Variants in WWOX observed in about 807,000 individuals in gnomAD.
WWOX encodes the protein WW domain-containing oxidoreductase.
A neutral mutation model predicts 46.2 loss-of-function variants in WWOX; 69 were observed. That is an observed-to-expected ratio of 1.49 (90% CI 1.23 to 1.82). The LOEUF (loss-of-function observed/expected upper bound fraction) is 1.82. Ranked by LOEUF, WWOX falls within the 40% of genes most tolerant of loss-of-function variation. The pLI, the probability that WWOX is intolerant of heterozygous loss-of-function variation, is 0.00. For missense variants in WWOX, 919 were observed against 542.6 expected (o/e 1.69, Z -6.89); for synonymous variants, 359 against 202.6 (o/e 1.77, Z -6.56).
intron 8 of WWOX, among the ~76,000 whole-genome samples, chr16:79,191,088 G>T (rs115951119): frequency 6.6e-6 from 1 of 152,048 alleles, no homozygotes; most frequent in Non-Finnish European, 1.5e-5. Flanking sequence ...CTCTGTTGCA[G>T]TGTCGCCCAG....
At chr16:78,792,246 G>C (rs1157217193) in intron 8 of WWOX, among the ~76,000 whole-genome samples, 1 of 152,120 alleles carries the variant, frequency 6.6e-6, no homozygotes, top group Non-Finnish European at 1.5e-5. Flanking sequence ...TCTTTCTCAC[G>C]AGTCTGGCAA....
intron 8 of WWOX, among the ~76,000 whole-genome samples, chr16:78,559,546 C>G (rs543610074): frequency 3.3e-5 from 5 of 152,274 alleles, no homozygotes; most frequent in South Asian, 2.1e-4. Context: ...AATATGGTTT[C>G]TTATTAAACG....
At chr16:78,673,838 C>T (rs947699334) in intron 8 of WWOX, among the ~76,000 whole-genome samples, 4 of 152,062 alleles carry the variant, frequency 2.6e-5, no homozygotes, top group Non-Finnish European at 4.4e-5. Context: ...CGTATCCTCC[C>T]GCAGAGGTTT....
intron 5 of WWOX, among the ~76,000 whole-genome samples, chr16:78,324,952 A>C (rs1471082950): frequency 1.3e-5 from 2 of 152,216 alleles, no homozygotes; most frequent in African/African-American, 4.8e-5. Flanking sequence ...GCTGTTAAAA[A>C]ATCTGAAAGT....
chr16:78,409,944 TAG>T (rs1249165133), intron 6 of WWOX, among the ~76,000 whole-genome samples: 1 of 152,178 alleles, frequency 6.6e-6, no homozygotes, highest in African/African-American at 2.4e-5. Flanking sequence ...CTCAAGGTGA[TAG>T]AGTTTGCATG....
intron 8 of WWOX, among the ~76,000 whole-genome samples, chr16:78,682,363 G>A (rs1299794768): frequency 6.6e-6 from 1 of 152,110 alleles, no homozygotes; most frequent in Non-Finnish European, 1.5e-5. Flanking sequence ...CAGTTTTTTT[G>A]TACCAGTGAG....
At chr16:78,662,529 G>C (rs961628119) in intron 8 of WWOX, among the ~76,000 whole-genome samples, 3 of 152,096 alleles carry the variant, frequency 2.0e-5, no homozygotes, top group Non-Finnish European at 4.4e-5. Context: ...AGGCCCTTTG[G>C]ACCAGTTGCA....
At chr16:78,660,157 G>C (rs1304185635) in intron 8 of WWOX, among the ~76,000 whole-genome samples, 2 of 151,866 alleles carry the variant, frequency 1.3e-5, no homozygotes, top group Non-Finnish European at 2.9e-5. Flanking sequence ...GTTTACTATT[G>C]TGGACTGTGC....
chr16:78,625,296 C>T (rs1461727364), intron 8 of WWOX, among the ~76,000 whole-genome samples: 2 of 152,182 alleles, frequency 1.3e-5, no homozygotes, highest in Non-Finnish European at 2.9e-5. Context: ...CTGAGCTCCT[C>T]ACTAAAGGGG....
At chr16:78,407,761 C>T (rs1344807635) in intron 6 of WWOX, among the ~76,000 whole-genome samples, 4 of 152,080 alleles carry the variant, frequency 2.6e-5, no homozygotes, top group African/African-American at 4.8e-5. Flanking sequence ...AGACCAAATG[C>T]CATAAGAAAA....
chr16:78,217,988 G>A (rs1467698275), intron 5 of WWOX, among the ~76,000 whole-genome samples: 1 of 152,118 alleles, frequency 6.6e-6, no homozygotes, highest in African/African-American at 2.4e-5. Context: ...AAAAGCAGAG[G>A]CCAACGTATC....
At chr16:79,019,308 C>G (rs1424298321) in intron 8 of WWOX, among the ~76,000 whole-genome samples, 2 of 151,570 alleles carry the variant, frequency 1.3e-5, no homozygotes, top group Non-Finnish European at 2.9e-5. Flanking sequence ...TGCACGTACA[C>G]AAACCTAGAT....
intron 8 of WWOX, among the ~76,000 whole-genome samples, chr16:78,610,813 A>G (rs1030787475): frequency 2.0e-5 from 3 of 152,140 alleles, no homozygotes; most frequent in Admixed American, 6.6e-5. Context: ...CTCTGGGGGC[A>G]TTATCATTAT....
intron 8 of WWOX, among the ~76,000 whole-genome samples, chr16:78,589,671 T>C: frequency 6.6e-6 from 1 of 152,182 alleles, no homozygotes; most frequent in East Asian, 1.9e-4. Context: ...GGTGATAAAA[T>C]ACCTGGATTG....
At chr16:78,694,247 G>A (rs1237202361) in intron 8 of WWOX, among the ~76,000 whole-genome samples, 2 of 152,064 alleles carry the variant, frequency 1.3e-5, no homozygotes, top group Non-Finnish European at 2.9e-5. Flanking sequence ...ATTTAGAAAT[G>A]GTACAGTCAG....
intron 5 of WWOX, among the ~76,000 whole-genome samples, chr16:78,359,502 C>G (rs527394186): frequency 2.6e-5 from 4 of 152,024 alleles, no homozygotes; most frequent in Non-Finnish European, 5.9e-5. Context: ...CGTTGAAACA[C>G]CTTTTCTTTT....
At chr16:78,213,212 C>G (rs146206719) in intron 5 of WWOX, among the ~76,000 whole-genome samples, 1 of 142,812 alleles carries the variant, frequency 7.0e-6, no homozygotes, top group Non-Finnish European at 1.5e-5. Context: ...GATCATGCCA[C>G]TGTACTCTAG....
intron 8 of WWOX, among the ~76,000 whole-genome samples, chr16:78,638,677 A>G (rs1009236683): frequency 2.6e-5 from 4 of 152,256 alleles, no homozygotes; most frequent in Non-Finnish European, 5.9e-5. Flanking sequence ...CGGTCAGAGG[A>G]GAGATAGAGC....
In WWOX at chr16:78,101,346, C is replaced by CTTTTTTT. The variant is rs71137871; in HGVS notation, c.107+1472_107+1478dup. On this transcript the variant is annotated intron_variant, in intron 1 of 8. Coordinates refer to ENST00000566780, the MANE Select transcript of WWOX (RefSeq NM_016373.4). The stretch of plus-strand genomic sequence containing the variant: ...ACAGGCGTGAGCTACCGCTCCCGGC[C>CTTTTTTT]TTTTTTTTTTTTTTTTTAAAGACAG... Among the ~76,000 whole-genome samples the CTTTTTTT allele has an allele frequency of 1.6e-3, 107 of 66,840 alleles. 18 individuals are homozygous for CTTTTTTT. Among genetic ancestry groups the CTTTTTTT allele is most frequent in the Admixed American group, 2.7e-3 (11 of 4,002 alleles). The allele number at this position is 66,840 out of a possible 152,430, so 43.8% of individuals were successfully genotyped here. A position where few individuals can be genotyped will look rare whatever the true frequency, so the allele number is the denominator to read the frequency against.
Sources: gnomAD v4.1 joint callset for allele counts (sites outside exome capture counted in the v4.1 genomes callset) on GRCh38, gnomAD v4.1.1 for gene constraint, MANE v1.5 for transcripts, NCBI Gene and HGNC (gene_info 2026-07-23, HGNC 2026-07-21) for gene names.